SYPL1: variants seen among roughly 807,000 people sequenced by gnomAD.
SYPL1 encodes the protein synaptophysin like 1, also known as synaptophysin-like protein 1.
SYPL1 carries 6 observed loss-of-function variants against 23.7 expected under a neutral mutation model. That is an observed-to-expected ratio of 0.25 (90% CI 0.14 to 0.50). SYPL1 has a LOEUF of 0.50. Ranked by LOEUF, SYPL1 falls within the 20% of genes least tolerant of loss-of-function variation. The pLI, the probability that SYPL1 is intolerant of heterozygous loss-of-function variation, is 0.98. For missense variants in SYPL1, 253 were observed against 288.9 expected, an observed-to-expected ratio of 0.88 and a Z score of 0.90; for synonymous variants, 102 against 104.5, an observed-to-expected ratio of 0.98 and a Z score of 0.15.
At chr7:106,105,513 A>G (rs1244230890) in intron 1 of SYPL1, among the ~76,000 whole-genome samples, 1 of 148,220 alleles carries the variant, frequency 6.7e-6, no homozygotes, top group Admixed American at 6.9e-5. Context: ...CACCAGACCC[A>G]TACTAGATGA....
chr7:106,107,421 G>C (rs2116197172), intron 1 of SYPL1, among the ~76,000 whole-genome samples: 1 of 152,262 alleles, frequency 6.6e-6, no homozygotes, highest in Non-Finnish European at 1.5e-5. Flanking sequence ...TAAATAGCCT[G>C]CCAAGATAAT....
intron 3 of SYPL1, among the ~76,000 whole-genome samples, chr7:106,094,184 T>C (rs999622382): frequency 6.6e-6 from 1 of 152,262 alleles, no homozygotes; most frequent in Admixed American, 6.5e-5. Context: ...TTTTGTTTTT[T>C]AAATAAACCC....
upstream of SYPL1, chr7:106,112,373 C>A: frequency 8.2e-7 from 1 of 1,222,506 alleles, no homozygotes; most frequent in Non-Finnish European, 1.0e-6. Flanking sequence ...GGAGCGGCGG[C>A]GGTTGAGCTG....
rs1437878809 is a variant in SYPL1, at chr7:106,090,558, T to C, written c.*1247A>G. Reference sequence around the variant, plus strand: ...TGCAAAAAAGATATACATTCTTATATTGACAATTCTTGTCATGAATAAAAG... The same window carrying C: ...TGCAAAAAAGATATACATTCTTATACTGACAATTCTTGTCATGAATAAAAG... On this transcript the variant is annotated 3_prime_UTR_variant, in exon 5 of 5. Coordinates refer to ENST00000455385, the MANE Select transcript of SYPL1 (RefSeq NM_182715.4). 1.3e-5 allele frequency: 2 copies of C among 152,676 alleles called. No homozygotes were observed. The highest frequency in any genetic ancestry group is 4.8e-5 in the African/African-American group (2 of 41,466). The allele number at this position is 152,676 out of a possible 1,614,324, so 9.5% of individuals were successfully genotyped here. A position where few individuals can be genotyped will look rare whatever the true frequency, so the allele number is the denominator to read the frequency against.
chr7:106,093,162 A>C, intron 3 of SYPL1, 25 bp from the exon 4 acceptor site: 1 of 1,536,252 alleles, frequency 6.5e-7, no homozygotes, highest in Non-Finnish European at 8.8e-7. Flanking sequence ...AGTAAGAGTT[A>C]ATAATGAACA....
chr7:106,099,947 AT>A (rs1291399875), intron 1 of SYPL1, among the ~76,000 whole-genome samples: 5 of 152,220 alleles, frequency 3.3e-5, no homozygotes, highest in Non-Finnish European at 7.3e-5. Context: ...TAATATAGAA[AT>A]AAATGTACCA....
chr7:106,110,640 C>A (rs1230869999), intron 1 of SYPL1, among the ~76,000 whole-genome samples: 2 of 152,128 alleles, frequency 1.3e-5, no homozygotes, highest in Non-Finnish European at 2.9e-5. Context: ...GCTGTTCAAA[C>A]TGAAAGTATT....
intron 1 of SYPL1, among the ~76,000 whole-genome samples, chr7:106,105,370 G>A (rs760636108): frequency 2.5e-4 from 38 of 151,344 alleles, no homozygotes; most frequent in Non-Finnish European, 3.7e-4. Flanking sequence ...CTACTGACAT[G>A]GAATTCTATC....
chr7:106,094,734 A>G (rs961722282), intron 3 of SYPL1, among the ~76,000 whole-genome samples: 4 of 152,182 alleles, frequency 2.6e-5, no homozygotes, highest in African/African-American at 7.2e-5. Flanking sequence ...TTTGATCAAT[A>G]TATGTCAAAT....
chr7:106,092,792 A>C, intron 4 of SYPL1, 157 bp downstream of exon 4: 1 of 662,892 alleles, frequency 1.5e-6, no homozygotes, highest in Non-Finnish European at 2.4e-6. Context: ...TTTTAGACAA[A>C]CTTTTCTTCA....
rs1156953229 is a variant in SYPL1, at chr7:106,096,461, A to G, written c.402+1229T>C. 6.6e-6 allele frequency among the ~76,000 whole-genome samples: 1 copy of G among 152,232 alleles called. No individual in the cohort carries two copies. Among genetic ancestry groups the G allele is most frequent in the Non-Finnish European group, 1.5e-5 (1 of 68,022 alleles). ...CATATGAATGACCAGTATCACACAT[A>G]AAAAACACCTCTGTTTTCCCTTTAA... On this transcript the variant is annotated intron_variant, in intron 3 of 4. Coordinates refer to ENST00000455385, the MANE Select transcript of SYPL1 (RefSeq NM_182715.4). This position sits in a 1 kb window ranked among gnomAD's most constrained non-coding sequence, Gnocchi z 4.4.
chr7:106,101,624 G>T (rs1840325651), intron 1 of SYPL1, among the ~76,000 whole-genome samples: 1 of 151,838 alleles, frequency 6.6e-6, no homozygotes, highest in Non-Finnish European at 1.5e-5. Context: ...AATGTGTCAT[G>T]AAATCATTTT....
chr7:106,109,180 A>T lies in SYPL1; in HGVS notation c.69+2960T>A, dbSNP rs977079235. On this transcript the variant is annotated intron_variant, in intron 1 of 4. Coordinates refer to ENST00000455385, the MANE Select transcript of SYPL1 (RefSeq NM_182715.4). The surrounding 1 kb of genome is among the most constrained non-coding windows in gnomAD (Gnocchi z 4.3). ...ATGCAAATAAAGACTTTTGTTGCAT[A>T]CCAAATACAATGGTTGTCTCCAGAG... is the stretch of plus-strand genomic sequence containing the variant. Among the ~76,000 whole-genome samples, 1 of 152,216 alleles carries T rather than the reference A, an allele frequency of 6.6e-6. No homozygotes were observed. The highest frequency in any genetic ancestry group is 1.5e-5 in the Non-Finnish European group (1 of 68,028).
chr7:106,092,574 G>A, intron 4 of SYPL1: 1 of 330,726 alleles, frequency 3.0e-6, no homozygotes, highest in South Asian at 2.3e-5. Context: ...CTGGGAGGCT[G>A]AGGTAGGAGA....
At position 106,095,970 on chromosome 7, in the gene SYPL1, A is replaced by G. The variant is rs937680501; in HGVS notation, c.402+1720T>C. ...GTTTACTAGACAAAATATGAGAAAT[A>G]AAGGGCACACTGATAGATTTAGTAA... On this transcript the variant is annotated intron_variant, in intron 3 of 4. Transcript: ENST00000455385. The surrounding 1 kb of genome is among the most constrained non-coding windows in gnomAD (Gnocchi z 4.3). Among the ~76,000 whole-genome samples the G allele has an allele frequency of 3.9e-5, 6 of 152,232 alleles. No homozygotes were observed. Among genetic ancestry groups the G allele is most frequent in the African/African-American group, 1.4e-4 (6 of 41,468 alleles).
intron 1 of SYPL1, among the ~76,000 whole-genome samples, chr7:106,107,195 G>A (rs146268918): frequency 4.8e-4 from 73 of 152,282 alleles, no homozygotes; most frequent in African/African-American, 1.6e-3. Flanking sequence ...ATTATAGCAC[G>A]TTTGCCTTTA....
chr7:106,099,319 AAAGAT>A, intron 1 of SYPL1, 37 bp from the exon 2 acceptor site: 1 of 1,587,424 alleles, frequency 6.3e-7, no homozygotes, highest in Non-Finnish European at 8.5e-7. Flanking sequence ...AAAAGAAAAA[AAAGAT>A]AAGCAATACT....
chr7:106,106,244 G>A (rs1327010602), intron 1 of SYPL1, among the ~76,000 whole-genome samples: 1 of 152,052 alleles, frequency 6.6e-6, no homozygotes, highest in African/African-American at 2.4e-5. Context: ...TGCACTAATA[G>A]GAGTGCAAAA....
rs1469076578 is a variant in SYPL1, at chr7:106,090,970, G to T, written c.*835C>A. 6.6e-6 allele frequency: 1 copy of T among 152,106 alleles called. No homozygotes were observed. Among genetic ancestry groups the T allele is most frequent in the Non-Finnish European group, 1.5e-5 (1 of 67,996 alleles). The allele number at this position is 152,106 out of a possible 1,614,324, so 9.4% of individuals were successfully genotyped here. A position where few individuals can be genotyped will look rare whatever the true frequency, so the allele number is the denominator to read the frequency against. ...TGACTAGGGTCTGTAAAAAACGGTG[G>T]ATTATTTTACTGTACTTACAAAGAG... On this transcript the variant is annotated 3_prime_UTR_variant, in exon 5 of 5. Coordinates refer to ENST00000455385, the MANE Select transcript of SYPL1 (RefSeq NM_182715.4).
Sources: allele counts gnomAD v4.1 joint callset (sites outside exome capture counted in the v4.1 genomes callset), GRCh38; gene constraint gnomAD v4.1.1; non-coding constraint Gnocchi (gnomAD v3.1); transcripts MANE v1.5; gene names NCBI Gene and HGNC (gene_info 2026-07-23, HGNC 2026-07-21).